The following ARHGAP15 variants were observed in gnomAD, a reference collection of about 807,000 sequenced individuals.
ARHGAP15 encodes the protein rho GTPase-activating protein 15.
In ARHGAP15, 51 loss-of-function variants were observed where a neutral mutation model predicts 63.7. That is an observed-to-expected ratio of 0.80 (90% CI 0.64 to 1.01). The LOEUF is 1.01. ARHGAP15 is among the 50% of genes least tolerant of loss of function. The pLI is 0.00. For missense variants in ARHGAP15, 560 were observed against 564.6 expected (o/e 0.99, Z 0.08); for synonymous variants, 191 against 193.8 (o/e 0.99, Z 0.12).
intron 13 of ARHGAP15, among the ~76,000 whole-genome samples, chr2:143,737,540 TAAG>T (rs1015559681): frequency 1.3e-5 from 2 of 152,152 alleles, no homozygotes; most frequent in African/African-American, 4.8e-5. Flanking sequence ...AATTCATTCC[TAAG>T]AAGAAAATGA....
Position 143,672,549 on chromosome 2 carries a change from C to T in ARHGAP15, c.1139-30870C>T, listed in dbSNP as rs116421882. Among the ~76,000 whole-genome samples, 308 of 152,046 alleles carry T rather than the reference C, an allele frequency of 2.0e-3. 1 individual carries two copies. Among genetic ancestry groups the T allele is most frequent in the African/African-American group, 7.3e-3 (301 of 41,486 alleles). Reference sequence around the variant, plus strand: ...TTTTGATTCCAAAATTTAGCAAAACCGCACTCGAGTTAAACTGGTTCAATT... The same window carrying T: ...TTTTGATTCCAAAATTTAGCAAAACTGCACTCGAGTTAAACTGGTTCAATT... On this transcript the variant is annotated intron_variant, in intron 12 of 13. Transcript: ENST00000295095.
intron 10 of ARHGAP15, among the ~76,000 whole-genome samples, chr2:143,525,099 G>T (rs1694209242): frequency 6.6e-6 from 1 of 152,100 alleles, no homozygotes; most frequent in Non-Finnish European, 1.5e-5. Context: ...GACAAGCTCT[G>T]CTCCCAGTTC....
At chr2:143,150,886 C>G in intron 1 of ARHGAP15, among the ~76,000 whole-genome samples, 1 of 152,014 alleles carries the variant, frequency 6.6e-6, no homozygotes, top group East Asian at 1.9e-4. Flanking sequence ...AAAACCTAAA[C>G]TTAATATGAT....
chr2:143,717,581 A>G (rs1244469839), intron 13 of ARHGAP15, among the ~76,000 whole-genome samples: 3 of 152,228 alleles, frequency 2.0e-5, no homozygotes, highest in Non-Finnish European at 1.5e-5. Flanking sequence ...TCTTGTCAGC[A>G]AAGCTCCTTG....
intron 6 of ARHGAP15, among the ~76,000 whole-genome samples, chr2:143,296,167 G>A (rs1218847141): frequency 3.3e-5 from 5 of 151,968 alleles, no homozygotes; most frequent in African/African-American, 9.7e-5. Context: ...GGAGGACAGC[G>A]AGTGAGTTCT....
At chr2:143,258,149 GC>G (rs1680518025) in intron 6 of ARHGAP15, among the ~76,000 whole-genome samples, 2 of 152,010 alleles carry the variant, frequency 1.3e-5, no homozygotes, top group African/African-American at 4.8e-5. Flanking sequence ...AAAATTGAGT[GC>G]TTTTGGATAG....
At chr2:143,158,711 AT>A (rs1349242561) in intron 2 of ARHGAP15, among the ~76,000 whole-genome samples, 6 of 151,846 alleles carry the variant, frequency 4.0e-5, no homozygotes, top group Admixed American at 3.9e-4. Flanking sequence ...GGTCTCAGTG[AT>A]TTGTTGTCCC....
chr2:143,629,186 C>CA lies in ARHGAP15; in HGVS notation c.1138+4932dup, dbSNP rs5834959. Among the ~76,000 whole-genome samples the CA allele has an allele frequency of 3.5e-3, 513 of 145,654 alleles. 1 individual carries two copies. Among genetic ancestry groups the CA allele is most frequent in the African/African-American group, 0.012 (461 of 39,342 alleles). Reference sequence around the variant, plus strand: ...TTTTTAAAATAACTTCTTTTTGGACCAAAAAAAAAAAAACCCCATTAATAT... The same window carrying CA: ...TTTTTAAAATAACTTCTTTTTGGACCAAAAAAAAAAAAAACCCCATTAATAT... On this transcript the variant is annotated intron_variant, in intron 12 of 13. Coordinates refer to ENST00000295095, the MANE Select transcript of ARHGAP15 (RefSeq NM_018460.4).
At chr2:143,484,669 C>T (rs1692238879) in intron 8 of ARHGAP15, among the ~76,000 whole-genome samples, 1 of 152,192 alleles carries the variant, frequency 6.6e-6, no homozygotes, top group Admixed American at 6.5e-5. Context: ...TATCTTCCAG[C>T]ACTGTCCAAC....
intron 12 of ARHGAP15, among the ~76,000 whole-genome samples, chr2:143,686,285 T>G: frequency 2.2e-5 from 1 of 45,742 alleles, no homozygotes; most frequent in Non-Finnish European, 6.3e-5. Flanking sequence ...TTCAGGAGGC[T>G]GAGGTGGAGA....
chr2:143,462,684 TACAAAAG>T (rs1691002391), intron 8 of ARHGAP15, among the ~76,000 whole-genome samples: 1 of 152,198 alleles, frequency 6.6e-6, no homozygotes, highest in South Asian at 2.1e-4. Context: ...AACCTACTTT[TACAAAAG>T]ACAAAAGTTA....
At chr2:143,532,525 A>G (rs2105018710) in intron 10 of ARHGAP15, among the ~76,000 whole-genome samples, 1 of 152,284 alleles carries the variant, frequency 6.6e-6, no homozygotes, top group South Asian at 2.1e-4. Context: ...TTACTAGGTA[A>G]ACTAGTGGAA....
At chr2:143,658,088 TGGA>T (rs2105315205) in intron 12 of ARHGAP15, among the ~76,000 whole-genome samples, 1 of 152,374 alleles carries the variant, frequency 6.6e-6, no homozygotes, top group South Asian at 2.1e-4. Context: ...TTTAGAGCAC[TGGA>T]TTCCTCTTGA....
At chr2:143,362,217 G>A (rs537017716) in intron 6 of ARHGAP15, among the ~76,000 whole-genome samples, 1 of 152,236 alleles carries the variant, frequency 6.6e-6, no homozygotes, top group Non-Finnish European at 1.5e-5. Context: ...ATACATCAGC[G>A]TAAAATTGTC....
rs116823136 is a variant in ARHGAP15, at chr2:143,703,629, C to T, written c.1244+105C>T. ...CAAGAGTTTCCAAATGCGTACATCTCGTATTTTCCCTTGTAGCTGAACTAG... is the reference window on the plus strand; with the variant it reads ...CAAGAGTTTCCAAATGCGTACATCTTGTATTTTCCCTTGTAGCTGAACTAG... On this transcript the variant is annotated intron_variant, in intron 13 of 13. Coordinates refer to ENST00000295095, the MANE Select transcript of ARHGAP15 (RefSeq NM_018460.4). 1,423 of 804,660 alleles carry T rather than the reference C, an allele frequency of 1.8e-3. 9 individuals carry two copies. The highest frequency in any genetic ancestry group is 2.7e-3 in the Middle Eastern group (8 of 2,974). The allele number at this position is 804,660 out of a possible 1,614,324, so 49.8% of individuals were successfully genotyped here. A position where few individuals can be genotyped will look rare whatever the true frequency, so the allele number is the denominator to read the frequency against.
At chr2:143,356,122 A>G (rs939244363) in intron 6 of ARHGAP15, among the ~76,000 whole-genome samples, 1 of 152,090 alleles carries the variant, frequency 6.6e-6, no homozygotes, top group Non-Finnish European at 1.5e-5. Context: ...AATTATTTTC[A>G]TCCGAAGAGA....
chr2:143,750,338 G>A (rs1414690272), intron 13 of ARHGAP15, among the ~76,000 whole-genome samples: 2 of 152,146 alleles, frequency 1.3e-5, no homozygotes, highest in African/African-American at 4.8e-5. Flanking sequence ...CCACTCAGGA[G>A]GCTAAGGCAG....
At chr2:143,767,343 A>G (rs999164871) in intron 13 of ARHGAP15, among the ~76,000 whole-genome samples, 1 of 152,316 alleles carries the variant, frequency 6.6e-6, no homozygotes, top group East Asian at 1.9e-4. Context: ...TCCTCACACA[A>G]GCAAATACAT....
intron 6 of ARHGAP15, among the ~76,000 whole-genome samples, chr2:143,265,365 C>T (rs1418852831): frequency 6.6e-6 from 1 of 151,868 alleles, no homozygotes; most frequent in Non-Finnish European, 1.5e-5. Flanking sequence ...AAAATCTAAA[C>T]ATAGTCTAAA....
Sources: gnomAD v4.1 joint callset for allele counts (sites outside exome capture counted in the v4.1 genomes callset) on GRCh38, gnomAD v4.1.1 for gene constraint, MANE v1.5 for transcripts, NCBI Gene and HGNC (gene_info 2026-07-23, HGNC 2026-07-21) for gene names.